Variants in GTF2IRD2B observed in about 807,000 individuals in gnomAD.
GTF2IRD2B encodes the protein GTF2I repeat domain containing 2B, also known as general transcription factor II-I repeat domain-containing protein 2B.
Under a neutral mutation model 55.6 loss-of-function variants are expected in GTF2IRD2B, and 10 were observed. That is an observed-to-expected ratio of 0.18 (90% confidence interval 0.11 to 0.31). The LOEUF is 0.31. Ranked by LOEUF, GTF2IRD2B falls within the 10% of genes least tolerant of loss-of-function variation. The probability of loss-of-function intolerance (pLI) is 1.00; values close to 1 mark genes in which losing one functional copy is unlikely to be tolerated. For missense variants in GTF2IRD2B, 206 were observed against 802.7 expected (o/e 0.26, Z 8.98); for synonymous variants, 107 against 320.5 (o/e 0.33, Z 7.12).
intron 15 of GTF2IRD2B, among the ~76,000 whole-genome samples, chr7:75,145,790 A>C (rs1261201529): frequency 1.4e-5 from 2 of 139,290 alleles, no homozygotes; most frequent in African/African-American, 5.3e-5. Flanking sequence ...CTCCATTTTT[A>C]TTCCCAAACG....
At chr7:75,115,433 T>A (rs1298317762) in intron 3 of GTF2IRD2B, among the ~76,000 whole-genome samples, 6 of 150,468 alleles carry the variant, frequency 4.0e-5, no homozygotes, top group Non-Finnish European at 8.9e-5. Flanking sequence ...TTTTTATTTT[T>A]TTTTTTTTGA....
At chr7:75,139,642 AAATAAT>A in intron 12 of GTF2IRD2B, among the ~76,000 whole-genome samples, 1 of 115,548 alleles carries the variant, frequency 8.7e-6, no homozygotes, top group Non-Finnish European at 1.7e-5. Flanking sequence ...TCAAAAAAAT[AAATAAT>A]AATAATAATA....
chr7:75,102,011 G>A (rs1807584123), intron 1 of GTF2IRD2B, among the ~76,000 whole-genome samples: 1 of 150,052 alleles, frequency 6.7e-6, no homozygotes, highest in African/African-American at 2.4e-5. Flanking sequence ...GTTTTGTTTT[G>A]TTTTTTTGTG....
intron 3 of GTF2IRD2B, 25 bp from the exon 4 acceptor site, chr7:75,120,866 C>A (rs782197164): frequency 6.2e-7 from 1 of 1,607,856 alleles, no homozygotes; most frequent in Non-Finnish European, 8.5e-7. Context: ...TAGAAACTGA[C>A]CTAATGCCAA....
At chr7:75,109,268 C>T (rs1283776423) in intron 2 of GTF2IRD2B, among the ~76,000 whole-genome samples, 9 of 146,362 alleles carry the variant, frequency 6.1e-5, no homozygotes, top group African/African-American at 1.5e-4. Context: ...AATTCTCCTG[C>T]GTTCAAGCAA....
At chr7:75,132,930 G>A (rs1367301189) in intron 8 of GTF2IRD2B, among the ~76,000 whole-genome samples, 7 of 139,766 alleles carry the variant, frequency 5.0e-5, no homozygotes, top group African/African-American at 1.2e-4. Flanking sequence ...ATACACAAAT[G>A]TATGTTTTCT....
chr7:75,115,524 A>C (rs1808117528), intron 3 of GTF2IRD2B, among the ~76,000 whole-genome samples: 1 of 145,130 alleles, frequency 6.9e-6, no homozygotes, highest in Admixed American at 7.0e-5. Context: ...CCTCGGTTCA[A>C]GCCATTCTCC....
At chr7:75,126,561 C>CACGCACAGCCACGCCT in intron 8 of GTF2IRD2B, 176 bp downstream of exon 8, 1 of 482,526 alleles carries the variant, frequency 2.1e-6, no homozygotes, top group African/African-American at 2.0e-5. Flanking sequence ...ATTAGCCAGG[C>CACGCACAGCCACGCCT]GTGGCTGTGC....
intron 1 of GTF2IRD2B, among the ~76,000 whole-genome samples, chr7:75,104,718 C>A (rs1273576746): frequency 1.3e-5 from 2 of 152,234 alleles, no homozygotes; most frequent in African/African-American, 2.4e-5. Flanking sequence ...GTTACATATT[C>A]TTTGATGTGC....
intron 1 of GTF2IRD2B, among the ~76,000 whole-genome samples, chr7:75,103,410 A>G (rs184351813): frequency 4.7e-4 from 69 of 146,954 alleles, no homozygotes; most frequent in African/African-American, 1.7e-3. Context: ...GGTGCTTCCT[A>G]AGCTGGCGTC....
At chr7:75,115,964 G>A (rs1242984803) in intron 3 of GTF2IRD2B, among the ~76,000 whole-genome samples, 13 of 131,514 alleles carry the variant, frequency 9.9e-5, no homozygotes, top group Admixed American at 1.6e-4. Context: ...CTGTTGCCCA[G>A]GCTGGAGTGC....
At chr7:75,106,070 C>T (rs1407714275) in intron 1 of GTF2IRD2B, among the ~76,000 whole-genome samples, 5 of 152,306 alleles carry the variant, frequency 3.3e-5, no homozygotes, top group African/African-American at 1.2e-4. Context: ...TGAATATTTC[C>T]AAATAACCGC....
At chr7:75,106,082 T>G (rs1263819206) in intron 1 of GTF2IRD2B, among the ~76,000 whole-genome samples, 3 of 152,426 alleles carry the variant, frequency 2.0e-5, no homozygotes, top group Non-Finnish European at 4.4e-5. Context: ...AATAACCGCA[T>G]GTGACCTCCA....
chr7:75,116,503 AT>A (rs1351862900), intron 3 of GTF2IRD2B, among the ~76,000 whole-genome samples: 1 of 150,854 alleles, frequency 6.6e-6, no homozygotes, highest in African/African-American at 2.4e-5. Flanking sequence ...ATCATGTATC[AT>A]CTATGAACAG....
intron 1 of GTF2IRD2B, among the ~76,000 whole-genome samples, chr7:75,101,870 G>A (rs1168044059): frequency 1.5e-5 from 2 of 132,038 alleles, no homozygotes; most frequent in African/African-American, 5.5e-5. Flanking sequence ...CTCCAGCCTG[G>A]GAGACAGAGC....
At chr7:75,138,575 G>A (rs1262817802) in intron 11 of GTF2IRD2B, among the ~76,000 whole-genome samples, 1 of 125,252 alleles carries the variant, frequency 8.0e-6, no homozygotes, top group Non-Finnish European at 1.7e-5. Flanking sequence ...GCTGAGGCAC[G>A]AGAATCACTT....
chr7:75,140,717 A>G (rs1437940347), intron 12 of GTF2IRD2B, among the ~76,000 whole-genome samples: 187 of 150,126 alleles, frequency 1.2e-3, no homozygotes, highest in African/African-American at 4.5e-3. Context: ...TATTTTTAGT[A>G]GAAACGGGGT....
intron 2 of GTF2IRD2B, among the ~76,000 whole-genome samples, chr7:75,109,477 T>C (rs1554450465): frequency 8.1e-6 from 1 of 122,852 alleles, no homozygotes; most frequent in Admixed American, 9.3e-5. Flanking sequence ...TAGCTGGGAT[T>C]ACAGGCGCCG....
chr7:75,106,834 A>C, intron 1 of GTF2IRD2B, among the ~76,000 whole-genome samples: 1 of 134,544 alleles, frequency 7.4e-6, no homozygotes. Context: ...GTGAGGCAGG[A>C]AGATCACTTG....
Sources: allele counts gnomAD v4.1 joint callset (sites outside exome capture counted in the v4.1 genomes callset), GRCh38; gene constraint gnomAD v4.1.1; transcripts MANE v1.5; gene names NCBI Gene and HGNC (gene_info 2026-07-23, HGNC 2026-07-21).